TSPAN13: variants seen among roughly 807,000 people sequenced by gnomAD.
The protein encoded by TSPAN13 is tetraspanin-13.
Under a neutral mutation model 26.9 loss-of-function variants are expected in TSPAN13, and 18 were observed. The observed-to-expected ratio is 0.67, with a 90% CI of 0.46 to 0.99. The LOEUF is 0.99. Among genes scored for constraint, TSPAN13 ranks in the 50% least tolerant of loss-of-function variants. The pLI, the probability that TSPAN13 is intolerant of heterozygous loss-of-function variation, is 0.00. For missense variants in TSPAN13, 201 were observed against 249.6 expected (o/e 0.81, Z 1.31); for synonymous variants, 116 against 98.4 (o/e 1.18, Z -1.06).
intron 5 of TSPAN13, among the ~76,000 whole-genome samples, chr7:16,780,134 C>T (rs1198990892): frequency 6.6e-6 from 1 of 151,780 alleles, no homozygotes; most frequent in African/African-American, 2.4e-5. Flanking sequence ...GAGTCTTGCT[C>T]TGTTGCTTAG....
intron 1 of TSPAN13, among the ~76,000 whole-genome samples, chr7:16,769,186 A>T (rs1784646013): frequency 6.6e-6 from 1 of 152,188 alleles, no homozygotes; most frequent in African/African-American, 2.4e-5. Flanking sequence ...TTAAATTTTT[A>T]AAATCTATTT....
At chr7:16,779,150 T>G (rs763963988) in intron 5 of TSPAN13, 34 bp downstream of exon 5, 1 of 1,510,716 alleles carries the variant, frequency 6.6e-7, no homozygotes, top group South Asian at 1.2e-5. Context: ...TCCTCCTTTG[T>G]CACAGAGATT....
At chr7:16,757,641 GT>G (rs1481367585) in intron 1 of TSPAN13, among the ~76,000 whole-genome samples, 1 of 152,018 alleles carries the variant, frequency 6.6e-6, no homozygotes, top group Non-Finnish European at 1.5e-5. Flanking sequence ...TTGCAGTTTT[GT>G]TTCTCCTGTG....
chr7:16,770,131 T>C (rs1784656778), intron 1 of TSPAN13, among the ~76,000 whole-genome samples: 1 of 151,730 alleles, frequency 6.6e-6, no homozygotes, highest in African/African-American at 2.4e-5. Flanking sequence ...TTTAAAAATA[T>C]GGGTTTTTAA....
intron 1 of TSPAN13, among the ~76,000 whole-genome samples, chr7:16,769,990 T>G (rs1784655458): frequency 6.6e-6 from 1 of 152,118 alleles, no homozygotes. Flanking sequence ...ACCTTTCTCT[T>G]AAATAATTTT....
At chr7:16,778,892 C>A in intron 4 of TSPAN13, 111 bp from the exon 5 acceptor site, 1 of 722,390 alleles carries the variant, frequency 1.4e-6, no homozygotes, top group Non-Finnish European at 2.2e-6. Flanking sequence ...AAAACCAAGG[C>A]CTCAAATTGG....
In TSPAN13 at chr7:16,777,797, G is replaced by A. The variant is rs1307990314; in HGVS notation, c.313-1G>A. On this transcript the variant is annotated splice_acceptor_variant, in intron 3 of 5. Coordinates refer to ENST00000262067, the MANE Select transcript of TSPAN13 (RefSeq NM_014399.4). LOFTEE classifies it high-confidence loss of function. The stretch of plus-strand genomic sequence containing the variant: ...TTTTATATATTAAACACATTTACTA[G>A]GGTCAGCTTCTGGAGGTTGGTTGGA... 2 of 1,612,406 alleles carry A rather than the reference G, an allele frequency of 1.2e-6. No homozygotes were observed. The highest frequency in any genetic ancestry group is 3.3e-5 in the Admixed American group (2 of 59,904).
At chr7:16,771,143 AGC>A (rs1491431257) in intron 1 of TSPAN13, among the ~76,000 whole-genome samples, 1 of 152,198 alleles carries the variant, frequency 6.6e-6, no homozygotes, top group Non-Finnish European at 1.5e-5. Flanking sequence ...CCACAGCACC[AGC>A]TGTATGCTTA....
At chr7:16,765,449 T>C (rs1784595132) in intron 1 of TSPAN13, among the ~76,000 whole-genome samples, 2 of 152,162 alleles carry the variant, frequency 1.3e-5, no homozygotes, top group Admixed American at 1.3e-4. Context: ...TTCCTGTTTA[T>C]TCCCCCTTCA....
intron 2 of TSPAN13, 58 bp from the exon 3 acceptor site, chr7:16,776,984 C>T: frequency 3.3e-6 from 4 of 1,224,304 alleles, no homozygotes; most frequent in South Asian, 2.5e-5. Context: ...TACCTCTGTA[C>T]CTCTGTTTTA....
At chr7:16,759,454 G>A (rs1043402524) in intron 1 of TSPAN13, among the ~76,000 whole-genome samples, 8 of 152,090 alleles carry the variant, frequency 5.3e-5, no homozygotes, top group African/African-American at 1.9e-4. Flanking sequence ...TTATCACTGA[G>A]GGGATGGTGC....
chr7:16,775,419 T>C (rs541280291), intron 1 of TSPAN13, among the ~76,000 whole-genome samples: 1 of 152,376 alleles, frequency 6.6e-6, no homozygotes, highest in East Asian at 1.9e-4. Context: ...CTCAGAATAC[T>C]AGTTCACTTT....
chr7:16,754,976 A>G (rs1012448119), intron 1 of TSPAN13, among the ~76,000 whole-genome samples: 1 of 152,220 alleles, frequency 6.6e-6, no homozygotes, highest in African/African-American at 2.4e-5. Flanking sequence ...GGTTTTAGTA[A>G]GTTTACATAG....
Position 16,753,913 on chromosome 7 carries a change from G to A in TSPAN13, c.-55G>A, listed in dbSNP as rs878935164. 1.9e-6 allele frequency: 3 copies of A among 1,569,538 alleles called. No homozygotes were observed. In the African/African-American group the frequency reaches 4.1e-5, roughly 21 times the overall value. ...AGGCAAGGACAAAGCAGCTGTCAGG[G>A]AACCTCCGCCGGAGTCGAATTTACG... On this transcript the variant is annotated 5_prime_UTR_variant, in exon 1 of 6. Transcript: ENST00000262067.
At chr7:16,756,554 G>A (rs1390322019) in intron 1 of TSPAN13, among the ~76,000 whole-genome samples, 8 of 152,328 alleles carry the variant, frequency 5.3e-5, no homozygotes, top group African/African-American at 1.9e-4. Flanking sequence ...AGCTCAGAAA[G>A]CATGTCACTA....
intron 1 of TSPAN13, among the ~76,000 whole-genome samples, chr7:16,760,667 A>T (rs1023494856): frequency 1.3e-5 from 2 of 152,264 alleles, no homozygotes; most frequent in East Asian, 3.9e-4. Context: ...CATTTCAAAC[A>T]TTAAGAGATT....
intron 5 of TSPAN13, 31 bp downstream of exon 5, chr7:16,779,147 T>G: frequency 1.3e-6 from 2 of 1,539,150 alleles, no homozygotes; most frequent in South Asian, 2.3e-5. Context: ...TTTTCCTCCT[T>G]TGTCACAGAG....
intron 2 of TSPAN13, 120 bp downstream of exon 2, chr7:16,776,498 AT>A: frequency 1.1e-6 from 1 of 934,126 alleles, no homozygotes; most frequent in Non-Finnish European, 1.6e-6. Context: ...CCTTATGCAT[AT>A]TTGTTCAAGA....
Position 16,768,486 on chromosome 7 carries a change from A to G in TSPAN13, c.64-7725A>G, listed in dbSNP as rs531500215. Among the ~76,000 whole-genome samples, 5 of 152,234 alleles carry G rather than the reference A, an allele frequency of 3.3e-5. No individual in the cohort carries two copies. In the East Asian group the frequency reaches 7.7e-4, roughly 23 times the overall value. ...CTGGAAAATGGAAGCAACAGTACCTACCTCTTAGGGTTTTTGTGAAGATTA... is the reference window on the plus strand; with the variant it reads ...CTGGAAAATGGAAGCAACAGTACCTGCCTCTTAGGGTTTTTGTGAAGATTA... On this transcript the variant is annotated intron_variant, in intron 1 of 5. Transcript: ENST00000262067.
Sources: gnomAD v4.1 joint callset for allele counts (sites outside exome capture counted in the v4.1 genomes callset) on GRCh38, gnomAD v4.1.1 for gene constraint, MANE v1.5 for transcripts, NCBI Gene and HGNC (gene_info 2026-07-23, HGNC 2026-07-21) for gene names.